CTNNA3: variants seen among roughly 807,000 people sequenced by gnomAD.
The protein encoded by CTNNA3 is catenin alpha-3.
CTNNA3 carries 76 observed loss-of-function variants against 95.7 expected under a neutral mutation model. The ratio of observed to expected loss-of-function variants is 0.79; its 90% CI spans 0.66 to 0.96. The LOEUF is 0.96. Ranked by LOEUF, CTNNA3 falls within the 40% of genes least tolerant of loss-of-function variation. The pLI, the probability that CTNNA3 is intolerant of heterozygous loss-of-function variation, is 0.00. For synonymous variants in CTNNA3, 431 were observed against 374.4 expected, an observed-to-expected ratio of 1.15 and a Z score of -1.74; for missense variants, 1,191 against 1,089.8, an observed-to-expected ratio of 1.09 and a Z score of -1.31.
At chr10:66,689,188 A>AG (rs1847421302) in intron 9 of CTNNA3, among the ~76,000 whole-genome samples, 1 of 152,082 alleles carries the variant, frequency 6.6e-6, no homozygotes, top group Non-Finnish European at 1.5e-5. Flanking sequence ...CTTAGGGCAG[A>AG]GGGGGAATGA....
intron 13 of CTNNA3, among the ~76,000 whole-genome samples, chr10:66,198,568 G>A (rs2087113788): frequency 6.6e-6 from 1 of 151,964 alleles, no homozygotes; most frequent in Admixed American, 6.6e-5. Flanking sequence ...AATGATCTCA[G>A]AAATACAAGA....
chr10:66,208,898 G>A (rs1222170200), intron 13 of CTNNA3, among the ~76,000 whole-genome samples: 1 of 151,926 alleles, frequency 6.6e-6, no homozygotes, highest in Non-Finnish European at 1.5e-5. Flanking sequence ...GATAGCTTTA[G>A]TCTCCTCCAC....
At chr10:66,413,196 C>G (rs902749404) in intron 11 of CTNNA3, among the ~76,000 whole-genome samples, 1 of 152,128 alleles carries the variant, frequency 6.6e-6, no homozygotes, top group Admixed American at 6.5e-5. Context: ...TTACAAACCT[C>G]TACTCTCCAT....
intron 2 of CTNNA3, among the ~76,000 whole-genome samples, chr10:67,620,950 T>TATATAC (rs1491566283): frequency 1.4e-5 from 2 of 144,358 alleles, no homozygotes; most frequent in East Asian, 4.0e-4. Flanking sequence ...TATATATATA[T>TATATAC]ACAGAAATGT....
At chr10:66,068,619 A>C (rs997131426) in intron 15 of CTNNA3, among the ~76,000 whole-genome samples, 3 of 152,184 alleles carry the variant, frequency 2.0e-5, no homozygotes, top group African/African-American at 7.2e-5. Flanking sequence ...AAGATTTTCT[A>C]AGTGTACTAG....
chr10:66,221,798 CG>C (rs1195725025), intron 13 of CTNNA3, among the ~76,000 whole-genome samples: 1 of 152,054 alleles, frequency 6.6e-6, no homozygotes, highest in African/African-American at 2.4e-5. Context: ...ATGCTGGGAG[CG>C]GGGGAATCTC....
chr10:67,369,765 A>G (rs540411641), intron 5 of CTNNA3, among the ~76,000 whole-genome samples: 41 of 152,304 alleles, frequency 2.7e-4, no homozygotes, highest in African/African-American at 9.4e-4. Flanking sequence ...ACACTAGATA[A>G]TATCTTTTGC....
chr10:66,943,046 A>G (rs916581291), intron 7 of CTNNA3, among the ~76,000 whole-genome samples: 1 of 152,200 alleles, frequency 6.6e-6, no homozygotes, highest in African/African-American at 2.4e-5. Context: ...TTGGAGTCAC[A>G]TTAATAGGAA....
intron 9 of CTNNA3, among the ~76,000 whole-genome samples, chr10:66,690,284 T>C (rs2132533447): frequency 6.6e-6 from 1 of 152,242 alleles, no homozygotes; most frequent in South Asian, 2.1e-4. Flanking sequence ...TAAATTTGAA[T>C]TTTACATTAT....
chr10:66,387,107 A>G (rs1433363156), intron 11 of CTNNA3, among the ~76,000 whole-genome samples: 2 of 152,190 alleles, frequency 1.3e-5, no homozygotes, highest in African/African-American at 4.8e-5. Context: ...GGATCTAATT[A>G]AACTGAAGAG....
At chr10:67,093,897 A>G (rs900051755) in intron 7 of CTNNA3, among the ~76,000 whole-genome samples, 5 of 152,036 alleles carry the variant, frequency 3.3e-5, no homozygotes, top group African/African-American at 1.2e-4. Context: ...TATAATTTGA[A>G]AGGGACGGAT....
chr10:67,635,280 C>A (rs1307483939), intron 2 of CTNNA3, among the ~76,000 whole-genome samples: 1 of 151,968 alleles, frequency 6.6e-6, no homozygotes, highest in African/African-American at 2.4e-5. Flanking sequence ...TAAAACTATT[C>A]AAAAAATTGA....
chr10:66,758,892 G>A (rs188253762), intron 9 of CTNNA3, among the ~76,000 whole-genome samples: 46 of 152,194 alleles, frequency 3.0e-4, no homozygotes, highest in African/African-American at 9.6e-4. Flanking sequence ...CCTAGATCAC[G>A]TCACTGCACT....
intron 16 of CTNNA3, among the ~76,000 whole-genome samples, chr10:65,974,308 A>T (rs2078167267): frequency 6.6e-6 from 1 of 152,212 alleles, no homozygotes; most frequent in South Asian, 2.1e-4. Context: ...TCATTGCAGC[A>T]CTATTCACAA....
At chr10:67,092,318 A>G (rs192437250) in intron 7 of CTNNA3, among the ~76,000 whole-genome samples, 2 of 151,992 alleles carry the variant, frequency 1.3e-5, no homozygotes, top group African/African-American at 2.4e-5. Context: ...ATATTTATAC[A>G]TACTAAAATC....
chr10:67,246,871 G>C (rs1353636562), intron 5 of CTNNA3, among the ~76,000 whole-genome samples: 1 of 152,086 alleles, frequency 6.6e-6, no homozygotes, highest in Non-Finnish European at 1.5e-5. Context: ...GACCTCAACA[G>C]TTGTCTAATT....
At chr10:67,092,360 T>G (rs917160464) in intron 7 of CTNNA3, among the ~76,000 whole-genome samples, 2 of 151,872 alleles carry the variant, frequency 1.3e-5, no homozygotes, top group Non-Finnish European at 2.9e-5. Context: ...CCAAGCAAAC[T>G]AGAGAGAGAA....
intron 1 of CTNNA3, among the ~76,000 whole-genome samples, chr10:67,664,575 T>C (rs752893273): frequency 2.0e-5 from 3 of 152,136 alleles, no homozygotes; most frequent in Admixed American, 6.5e-5. Context: ...ATTTATTTTA[T>C]TGTTTTTTTT....
At chr10:67,414,405 G>T (rs2132848473) in intron 5 of CTNNA3, among the ~76,000 whole-genome samples, 1 of 152,182 alleles carries the variant, frequency 6.6e-6, no homozygotes, top group Non-Finnish European at 1.5e-5. Flanking sequence ...ACTCTGAATA[G>T]ACCAATTTTA....
Sources: allele counts gnomAD v4.1 joint callset (sites outside exome capture counted in the v4.1 genomes callset), GRCh38; gene constraint gnomAD v4.1.1; transcripts MANE v1.5; gene names NCBI Gene and HGNC (gene_info 2026-07-23, HGNC 2026-07-21).